The following KIAA1755 variants were observed in gnomAD, a reference collection of about 807,000 sequenced individuals.
KIAA1755 encodes uncharacterized protein KIAA1755.
A neutral mutation model predicts 91.7 loss-of-function variants in KIAA1755; 68 were observed. That is an observed-to-expected ratio of 0.74 (90% CI 0.61 to 0.91). The LOEUF is 0.91. Among genes scored for constraint, KIAA1755 ranks in the 40% least tolerant of loss-of-function variants. KIAA1755 has a pLI of 0.00. For missense variants in KIAA1755, 1,535 were observed against 1,494.4 expected (o/e 1.03, Z -0.45); for synonymous variants, 610 against 604.6 (o/e 1.01, Z -0.13).
chr20:38,241,914 AGT>A lies in KIAA1755; in HGVS notation c.215_216del (p.His72LeufsTer15), dbSNP rs962619813. ...VREAACAPYS[H>X]CLFLHEGWPL... ...GGCCAGCCCTCGTGTAAGAAGAGGCAGTGTGAGTAGGGAGCCTGTGGAGAGAA... is the reference window on the plus strand; with the variant it reads ...GGCCAGCCCTCGTGTAAGAAGAGGCAGTGAGTAGGGAGCCTGTGGAGAGAA... On this transcript the variant is annotated frameshift_variant, in exon 3 of 14. Coordinates refer to ENST00000279024, the MANE Select transcript of KIAA1755 (RefSeq NM_001029864.2). LOFTEE classifies it high-confidence loss of function. 6.2e-7 allele frequency: 1 copy of A among 1,612,724 alleles called. No individual in the cohort carries two copies. The highest frequency in any genetic ancestry group is 8.5e-7 in the Non-Finnish European group (1 of 1,179,612).
chr20:38,216,118 G>A lies in KIAA1755; in HGVS notation c.2901+1135C>T, dbSNP rs550010664. Among the ~76,000 whole-genome samples, 20 of 152,292 alleles carry A rather than the reference G, an allele frequency of 1.3e-4. No homozygotes were observed. In the South Asian group the frequency reaches 3.9e-3, roughly 30 times the overall value. On this transcript the variant is annotated intron_variant, in intron 13 of 13. Coordinates refer to ENST00000279024, the MANE Select transcript of KIAA1755 (RefSeq NM_001029864.2). ...GCCTGGCTTGTCATAAGAACTACAC[G>A]GCCATTAACTATGGTCTTAGCAAAG... is the stretch of plus-strand genomic sequence containing the variant.
intron 13 of KIAA1755, among the ~76,000 whole-genome samples, chr20:38,216,034 G>C (rs984739756): frequency 6.6e-6 from 1 of 152,146 alleles, no homozygotes; most frequent in Non-Finnish European, 1.5e-5. Context: ...CATAATAGTA[G>C]TACCTGTCTC....
chr20:38,242,621 C>T (rs1228405974), intron 2 of KIAA1755, among the ~76,000 whole-genome samples: 2 of 152,196 alleles, frequency 1.3e-5, no homozygotes, highest in African/African-American at 2.4e-5. Context: ...TCATCTAACA[C>T]AATGCCTATT....
chr20:38,239,482 GC>G, intron 4 of KIAA1755, 45 bp downstream of exon 4: 3 of 1,581,994 alleles, frequency 1.9e-6, no homozygotes. Flanking sequence ...ATGCTCTGGG[GC>G]CCCCAGCTCC....
chr20:38,258,018 G>T (rs1460887845), intron 1 of KIAA1755, among the ~76,000 whole-genome samples: 10 of 151,670 alleles, frequency 6.6e-5, no homozygotes. Context: ...TCCTGCCTCA[G>T]CCTCCCGAGT....
chr20:38,217,429 G>A lies in KIAA1755; in HGVS notation c.2725C>T (p.Leu909=). ...CCAGCCCCTCTGGCTGTAGCTCCCA[G>A]CTGAGCGGCCTGCTTGGACAGCTCC... ...GLELSKQAAQ[L]GATARGAGEA... Residue 909 remains leucine (L), a synonymous_variant, in exon 13 of 14, where the codon CTG becomes TTG. Transcript: ENST00000279024. The A allele has an allele frequency of 6.2e-7, 1 of 1,612,784 alleles. No individual in the cohort carries two copies. Among genetic ancestry groups the A allele is most frequent in the Non-Finnish European group, 8.5e-7 (1 of 1,179,586 alleles).
intron 12 of KIAA1755, 136 bp from the exon 13 acceptor site, chr20:38,217,610 G>C (rs991576974): frequency 1.6e-5 from 10 of 635,126 alleles, no homozygotes; most frequent in Non-Finnish European, 2.5e-5. Context: ...CTGTAGAATG[G>C]GGACCCTAAT....
chr20:38,244,417 T>C (rs918660865), intron 2 of KIAA1755, among the ~76,000 whole-genome samples: 6 of 152,354 alleles, frequency 3.9e-5, no homozygotes, highest in Non-Finnish European at 7.3e-5. Flanking sequence ...CCTGGACTTT[T>C]AGCTGCCACG....
chr20:38,236,225 G>C (rs1156451674), intron 4 of KIAA1755, among the ~76,000 whole-genome samples: 1 of 152,154 alleles, frequency 6.6e-6, no homozygotes. Context: ...GTGGGGTGAG[G>C]GGATGTGAAG....
chr20:38,241,626 A>G lies in KIAA1755; in HGVS notation c.505T>C (p.Ser169Pro). The G allele has an allele frequency of 6.2e-7, 1 of 1,614,198 alleles. No individual in the cohort carries two copies. Among genetic ancestry groups the G allele is most frequent in the Non-Finnish European group, 8.5e-7 (1 of 1,180,040 alleles). Residue 169 changes from serine (S) to proline (P), a missense_variant, in exon 3 of 14, where the codon TCA (serine) becomes CCA (proline). Transcript: ENST00000279024. ...GGCACAGGGGCAATCCCATTTTCTGATGCTACCAAGCAGTTGTGTAGGGGA... is the reference window on the plus strand; with the variant it reads ...GGCACAGGGGCAATCCCATTTTCTGGTGCTACCAAGCAGTTGTGTAGGGGA... Reference protein sequence around the residue: ...GNPLHNCLVASENGIAPVPWT... With the variant: ...GNPLHNCLVAPENGIAPVPWT...
chr20:38,225,622 G>T, intron 8 of KIAA1755, 43 bp downstream of exon 8: 1 of 1,173,746 alleles, frequency 8.5e-7, no homozygotes, highest in Non-Finnish European at 1.3e-6. Flanking sequence ...GAGAAGAAGA[G>T]AAGGAGTGGG....
At chr20:38,236,654 G>C (rs1482088244) in intron 4 of KIAA1755, among the ~76,000 whole-genome samples, 1 of 152,180 alleles carries the variant, frequency 6.6e-6, no homozygotes, top group Non-Finnish European at 1.5e-5. Flanking sequence ...GAAGGGCCTA[G>C]GGTGATGAGG....
At chr20:38,236,247 TA>T (rs1264054176) in intron 4 of KIAA1755, among the ~76,000 whole-genome samples, 2 of 152,070 alleles carry the variant, frequency 1.3e-5, no homozygotes, top group Non-Finnish European at 2.9e-5. Flanking sequence ...CAGGAGTCCA[TA>T]TTTGGGCATG....
intron 1 of KIAA1755, among the ~76,000 whole-genome samples, chr20:38,254,722 A>C (rs2076309336): frequency 6.6e-6 from 1 of 151,914 alleles, no homozygotes; most frequent in South Asian, 2.1e-4. Context: ...GGAGGTGGAG[A>C]CTGCAGTAAA....
At chr20:38,257,885 A>G (rs573145647) in intron 1 of KIAA1755, among the ~76,000 whole-genome samples, 19 of 151,456 alleles carry the variant, frequency 1.3e-4, no homozygotes, top group African/African-American at 4.1e-4. Flanking sequence ...CATTGAGTAC[A>G]TATTTTTATA....
At chr20:38,250,798 C>T (rs988388289) in intron 1 of KIAA1755, among the ~76,000 whole-genome samples, 2 of 151,512 alleles carry the variant, frequency 1.3e-5, no homozygotes, top group South Asian at 4.2e-4. Context: ...TATGCAAATG[C>T]AGGGCGCCAT....
At chr20:38,247,969 C>T (rs2076185605) in intron 1 of KIAA1755, among the ~76,000 whole-genome samples, 1 of 152,138 alleles carries the variant, frequency 6.6e-6, no homozygotes, top group African/African-American at 2.4e-5. Flanking sequence ...TGGCTCATGC[C>T]TGTATCCCAG....
chr20:38,245,199 G>A, intron 2 of KIAA1755, among the ~76,000 whole-genome samples: 1 of 152,196 alleles, frequency 6.6e-6, no homozygotes, highest in East Asian at 1.9e-4. Flanking sequence ...TCTATGTGCA[G>A]TGGATGGGAA....
rs2076152996 is a variant in KIAA1755 at position 38,246,018 on chromosome 20, A to G, written c.112T>C (p.Ser38Pro). 6.2e-7 allele frequency: 1 copy of G among 1,614,078 alleles called. No individual in the cohort carries two copies. Among genetic ancestry groups the G allele is most frequent in the Non-Finnish European group, 8.5e-7 (1 of 1,180,034 alleles). Residue 38 changes from serine to proline, a missense_variant, in exon 2 of 14, where the codon TCT (serine) becomes CCT (proline). Coordinates refer to ENST00000279024, the MANE Select transcript of KIAA1755 (RefSeq NM_001029864.2). ...CTCAGCCCATCCCCCTGGAAGCCAG[A>G]GTCCAGGAGACGGAACACCTGACCC... ...VLGQVFRLLD[S>P]GFQGDGLSFL... is the part of the protein sequence containing the mutation.
Sources: gnomAD v4.1 joint callset for allele counts (sites outside exome capture counted in the v4.1 genomes callset) on GRCh38, gnomAD v4.1.1 for gene constraint, MANE v1.5 for transcripts, NCBI Gene and HGNC (gene_info 2026-07-23, HGNC 2026-07-21) for gene names.